The following PRMT8 variants were observed in gnomAD, a reference collection of about 807,000 sequenced individuals.
The protein encoded by PRMT8 is protein arginine N-methyltransferase 8.
In PRMT8, 7 loss-of-function variants were observed where a neutral mutation model predicts 47.1. That is an observed-to-expected ratio of 0.15 (90% confidence interval 0.08 to 0.28). The LOEUF (loss-of-function observed/expected upper bound fraction) is 0.28. PRMT8 is among the 10% of genes least tolerant of loss of function. The pLI is 1.00. For missense variants in PRMT8, 237 were observed against 505.4 expected, an observed-to-expected ratio of 0.47 and a Z score of 5.09; for synonymous variants, 188 against 186.5, an observed-to-expected ratio of 1.01 and a Z score of -0.07.
At chr12:3,429,920 G>A (rs1864656295) in intron 1 of PRMT8, among the ~76,000 whole-genome samples, 1 of 152,190 alleles carries the variant, frequency 6.6e-6, no homozygotes, top group African/African-American at 2.4e-5. Context: ...CTGCCTAAGG[G>A]GCTGCCTCAA....
intron 1 of PRMT8, among the ~76,000 whole-genome samples, chr12:3,413,772 C>A (rs73039266): frequency 0.066 from 9,408 of 142,164 alleles, 309 homozygotes; most frequent in African/African-American, 0.098. Flanking sequence ...GAAAAAAAAC[C>A]AATAAAAAAT....
At chr12:3,466,050 G>C (rs997743349) in intron 1 of PRMT8, among the ~76,000 whole-genome samples, 1 of 152,202 alleles carries the variant, frequency 6.6e-6, no homozygotes, top group Admixed American at 6.5e-5. Flanking sequence ...GTAACATGCT[G>C]TAGTGACCAG....
chr12:3,518,803 GC>G (rs1865834005), intron 1 of PRMT8, among the ~76,000 whole-genome samples: 1 of 152,112 alleles, frequency 6.6e-6, no homozygotes, highest in Admixed American at 6.5e-5. Flanking sequence ...TTCTGCAAAG[GC>G]TCTTGGGGAC....
chr12:3,491,730 G>A, intron 1 of PRMT8, 30 bp downstream of exon 1: 1 of 1,588,430 alleles, frequency 6.3e-7, no homozygotes, highest in Non-Finnish European at 8.5e-7. Flanking sequence ...GGGGCTCTCG[G>A]AGACCCCGCC....
chr12:3,463,904 A>G (rs779656261), intron 1 of PRMT8, among the ~76,000 whole-genome samples: 29 of 152,350 alleles, frequency 1.9e-4, no homozygotes, highest in Middle Eastern at 3.4e-3. Context: ...ATTTGTAAGC[A>G]GAGGATAATG....
intron 1 of PRMT8, among the ~76,000 whole-genome samples, chr12:3,404,467 AC>A (rs1342340109): frequency 6.6e-6 from 1 of 152,156 alleles, no homozygotes; most frequent in African/African-American, 2.4e-5. Flanking sequence ...TCTAACTACC[AC>A]CCAGGTCAAG....
intron 1 of PRMT8, among the ~76,000 whole-genome samples, chr12:3,460,616 A>C (rs904879412): frequency 6.6e-6 from 1 of 152,214 alleles, no homozygotes; most frequent in Non-Finnish European, 1.5e-5. Flanking sequence ...CACTAATTAT[A>C]TCCCTGACAT....
chr12:3,449,507 A>G (rs1036099859), intron 1 of PRMT8, among the ~76,000 whole-genome samples: 1 of 151,944 alleles, frequency 6.6e-6, no homozygotes, highest in Non-Finnish European at 1.5e-5. Context: ...GCTTTTTTTC[A>G]TATGTTTGTT....
chr12:3,420,507 A>G (rs978564543), intron 1 of PRMT8, among the ~76,000 whole-genome samples: 1 of 152,118 alleles, frequency 6.6e-6, no homozygotes, highest in African/African-American at 2.4e-5. Context: ...AAAAAGCCAG[A>G]CGCTGTGACA....
intron 1 of PRMT8, among the ~76,000 whole-genome samples, chr12:3,387,631 G>C (rs996086089): frequency 6.6e-6 from 1 of 152,036 alleles, no homozygotes; most frequent in Non-Finnish European, 1.5e-5. Context: ...ACTATTTATC[G>C]AATGCTTATT....
intron 1 of PRMT8, among the ~76,000 whole-genome samples, chr12:3,520,703 A>ACTTTTTTAC (rs1395455099): frequency 6.6e-6 from 1 of 152,262 alleles, no homozygotes; most frequent in Non-Finnish European, 1.5e-5. Context: ...TAAAAAAGGT[A>ACTTTTTTAC]AATTACTCAA....
intron 1 of PRMT8, among the ~76,000 whole-genome samples, chr12:3,507,044 C>T (rs1591575115): frequency 6.6e-6 from 1 of 152,180 alleles, no homozygotes; most frequent in Middle Eastern, 3.4e-3. Context: ...TAACAAATTC[C>T]TCAATTAGGG....
intron 1 of PRMT8, among the ~76,000 whole-genome samples, chr12:3,402,956 C>A (rs962580998): frequency 6.6e-6 from 1 of 152,198 alleles, no homozygotes; most frequent in Non-Finnish European, 1.5e-5. Context: ...ACCCAACAAT[C>A]CCATTACTGG....
Position 3,483,637 on chromosome 12 carries a change from A to G in PRMT8, c.49-56969A>G, listed in dbSNP as rs148186460. On this transcript the variant is annotated intron_variant, in intron 1 of 9. Transcript: ENST00000452611. ...CTCCAGCAACCTGGCCCCCTGCTTT[A>G]AGGACTATGGTCTGTCGCCATCACT... is the stretch of plus-strand genomic sequence containing the variant. Among the ~76,000 whole-genome samples, 339 of 152,308 alleles carry G rather than the reference A, an allele frequency of 2.2e-3. 1 individual carries two copies. The highest frequency in any genetic ancestry group is 6.5e-3 in the Admixed American group (99 of 15,304).
At chr12:3,393,271 G>A (rs1864214052) in intron 1 of PRMT8, among the ~76,000 whole-genome samples, 1 of 152,062 alleles carries the variant, frequency 6.6e-6, no homozygotes, top group Non-Finnish European at 1.5e-5. Flanking sequence ...TGGTGTTTTA[G>A]ACATGAAGTC....
rs371439316 is a variant in PRMT8 at position 3,445,722 on chromosome 12, G to A, written c.48+64280G>A. Among the ~76,000 whole-genome samples, 91 of 152,276 alleles carry A rather than the reference G, an allele frequency of 6.0e-4. 2 individuals carry two copies. The South Asian group carries it at 0.018, about 30-fold the overall frequency. Reference sequence around the variant, plus strand: ...TTTGTTCTGACTAAATATTTCCGACGCTGGAGATTCTGAAAAGGAAATACT... The same window carrying A: ...TTTGTTCTGACTAAATATTTCCGACACTGGAGATTCTGAAAAGGAAATACT... On this transcript the variant is annotated intron_variant, in intron 1 of 9. Transcript: ENST00000452611.
At chr12:3,417,794 A>T (rs182114208) in intron 1 of PRMT8, among the ~76,000 whole-genome samples, 7 of 152,290 alleles carry the variant, frequency 4.6e-5, no homozygotes, top group Non-Finnish European at 7.4e-5. Flanking sequence ...AAGAGAAGAG[A>T]TGAAGAAGAG....
intron 1 of PRMT8, among the ~76,000 whole-genome samples, chr12:3,389,952 T>G (rs1157030356): frequency 6.6e-6 from 1 of 152,256 alleles, no homozygotes; most frequent in African/African-American, 2.4e-5. Context: ...GGTGGCTGCA[T>G]CCGCTGCAGG....
rs768588074 is a variant in PRMT8 at position 3,538,661 on chromosome 12, C to T, written c.76-1945C>T. 7 of 518,832 alleles carry T rather than the reference C, an allele frequency of 1.3e-5. No homozygotes were observed. Among genetic ancestry groups the T allele is most frequent in the Non-Finnish European group, 2.3e-5 (6 of 259,882 alleles). The allele number at this position is 518,832 out of a possible 1,614,324, so 32.1% of individuals were successfully genotyped here. A position where few individuals can be genotyped will look rare whatever the true frequency, so the allele number is the denominator to read the frequency against. ...TCTCCTTCACATATTTAAATGGAGT[C>T]GATATTGGGGTCAGCTTCATGCACG... On this transcript the variant is annotated intron_variant, in intron 1 of 9. Coordinates refer to ENST00000382622, the MANE Select transcript of PRMT8 (RefSeq NM_019854.5). The surrounding 1 kb of genome is among the most constrained non-coding windows in gnomAD (Gnocchi z 4.6).
Sources: allele counts gnomAD v4.1 joint callset (sites outside exome capture counted in the v4.1 genomes callset), GRCh38; gene constraint gnomAD v4.1.1; non-coding constraint Gnocchi (gnomAD v3.1); transcripts MANE v1.5; gene names NCBI Gene and HGNC (gene_info 2026-07-23, HGNC 2026-07-21).